The following ARHGAP24 variants were observed in gnomAD, a reference collection of about 807,000 sequenced individuals.
ARHGAP24 encodes the protein Rho GTPase activating protein 24.
Under a neutral mutation model 76.4 loss-of-function variants are expected in ARHGAP24, and 50 were observed. That is an observed-to-expected ratio of 0.65 (90% CI 0.52 to 0.83). The LOEUF is 0.83. Ranked by LOEUF, ARHGAP24 falls within the 40% of genes least tolerant of loss-of-function variation. The pLI, the probability that ARHGAP24 is intolerant of heterozygous loss-of-function variation, is 0.00. For synonymous variants in ARHGAP24, 345 were observed against 323.3 expected, an observed-to-expected ratio of 1.07 and a Z score of -0.72; for missense variants, 930 against 914.2, an observed-to-expected ratio of 1.02 and a Z score of -0.22.
At chr4:85,486,490 T>A (rs993805993) in intron 1 of ARHGAP24, among the ~76,000 whole-genome samples, 5 of 152,282 alleles carry the variant, frequency 3.3e-5, no homozygotes, top group African/African-American at 1.2e-4. Context: ...TCTGGGAAAT[T>A]GGAAATAAAG....
At chr4:85,931,618 G>C (rs62305514) in intron 4 of ARHGAP24, among the ~76,000 whole-genome samples, 11,246 of 152,138 alleles carry the variant, frequency 0.074, 510 homozygotes, top group South Asian at 0.18. Context: ...CACTGGGAGA[G>C]GGCAAAGATA....
chr4:85,942,326 G>T (rs1356281346), intron 5 of ARHGAP24, 53 bp downstream of exon 5: 2 of 1,587,620 alleles, frequency 1.3e-6, no homozygotes, highest in African/African-American at 2.7e-5. Flanking sequence ...AGACTCAACT[G>T]ACAGGATGCA....
At chr4:85,627,582 C>A (rs1721007248) in intron 2 of ARHGAP24, among the ~76,000 whole-genome samples, 1 of 152,158 alleles carries the variant, frequency 6.6e-6, no homozygotes, top group Non-Finnish European at 1.5e-5. Context: ...CTGGGAGAAC[C>A]ACTACTCTCT....
chr4:85,673,539 GT>G (rs1410551198), intron 2 of ARHGAP24, among the ~76,000 whole-genome samples: 1 of 151,552 alleles, frequency 6.6e-6, no homozygotes, highest in African/African-American at 2.4e-5. Flanking sequence ...TGTGCATGCA[GT>G]TTTCAAGATG....
chr4:85,811,196 C>T (rs2110113032), intron 3 of ARHGAP24, among the ~76,000 whole-genome samples: 1 of 152,298 alleles, frequency 6.6e-6, no homozygotes, highest in Admixed American at 6.5e-5. Flanking sequence ...AAAATGGCAG[C>T]ATTTGAAATT....
intron 3 of ARHGAP24, among the ~76,000 whole-genome samples, chr4:85,738,367 T>TTTA (rs58504018): frequency 0.2 from 29,291 of 143,766 alleles, 3,162 homozygotes; most frequent in African/African-American, 0.24. Context: ...CATTTGGGCT[T>TTTA]TTATTATTAT....
intron 2 of ARHGAP24, among the ~76,000 whole-genome samples, chr4:85,604,828 T>C (rs1339006940): frequency 6.6e-6 from 1 of 152,090 alleles, no homozygotes; most frequent in African/African-American, 2.4e-5. Flanking sequence ...TCTGCCCACA[T>C]TGGCCTCCCA....
At chr4:85,518,395 G>A (rs1724598805) in intron 1 of ARHGAP24, among the ~76,000 whole-genome samples, 1 of 151,596 alleles carries the variant, frequency 6.6e-6, no homozygotes, top group African/African-American at 2.4e-5. Context: ...AGTTATTTGG[G>A]GTACAGGTAG....
At chr4:85,661,697 G>A (rs1207614826) in intron 2 of ARHGAP24, among the ~76,000 whole-genome samples, 1 of 151,118 alleles carries the variant, frequency 6.6e-6, no homozygotes, top group Non-Finnish European at 1.5e-5. Context: ...TCCCCAGAGT[G>A]TGATGTTCCC....
At chr4:85,557,702 T>C (rs1218085923) in intron 1 of ARHGAP24, among the ~76,000 whole-genome samples, 1 of 152,202 alleles carries the variant, frequency 6.6e-6, no homozygotes, top group Non-Finnish European at 1.5e-5. Flanking sequence ...GCACACTGGC[T>C]GCTGCTAGTC....
At chr4:85,839,843 C>CTTTTTTTTTTTTTTTTTTTTTTTT (rs33974767) in intron 3 of ARHGAP24, among the ~76,000 whole-genome samples, 1 of 105,628 alleles carries the variant, frequency 9.5e-6, no homozygotes, top group Non-Finnish European at 1.8e-5. Context: ...TTTCTGTTTT[C>CTTTTTTTTTTTTTTTTTTTTTTTT]TTTTTTTTTT....
At chr4:85,705,057 A>G (rs1217754675) in intron 2 of ARHGAP24, among the ~76,000 whole-genome samples, 2 of 152,116 alleles carry the variant, frequency 1.3e-5, no homozygotes, top group Non-Finnish European at 2.9e-5. Flanking sequence ...AGTTCAGTTA[A>G]TGTGAGACCA....
At chr4:85,568,904 ATCT>A (rs1215979866) in intron 1 of ARHGAP24, among the ~76,000 whole-genome samples, 1 of 152,248 alleles carries the variant, frequency 6.6e-6, no homozygotes, top group Non-Finnish European at 1.5e-5. Context: ...AAGGAGGCAA[ATCT>A]TCTGCAAAGA....
intron 2 of ARHGAP24, among the ~76,000 whole-genome samples, chr4:85,619,690 TTCC>T (rs1720652237): frequency 6.6e-6 from 1 of 151,996 alleles, no homozygotes; most frequent in South Asian, 2.1e-4. Context: ...GTTAAATTTA[TTCC>T]TAAGAATTTT....
At chr4:85,521,622 C>T (rs1578005007) in intron 1 of ARHGAP24, among the ~76,000 whole-genome samples, 1 of 152,114 alleles carries the variant, frequency 6.6e-6, no homozygotes, top group African/African-American at 2.4e-5. Context: ...ACATTTCCCA[C>T]CTTTGAGTCA....
chr4:85,519,316 A>G (rs994944127), intron 1 of ARHGAP24, among the ~76,000 whole-genome samples: 4 of 152,080 alleles, frequency 2.6e-5, no homozygotes, highest in Non-Finnish European at 4.4e-5. Context: ...CATTTATTAT[A>G]CCACTATCTA....
chr4:85,979,948 C>A lies in ARHGAP24; in HGVS notation c.928+2257C>A, dbSNP rs568337832. Among the ~76,000 whole-genome samples, 9 of 152,320 alleles carry A rather than the reference C, an allele frequency of 5.9e-5. No individual in the cohort carries two copies. In the South Asian group the frequency reaches 1.9e-3, roughly 32 times the overall value. ...TTCACTGAATCTCAAATTTTCCCAT[C>A]TTTGGCCAGTGGAAGCATCTTCAAG... is the stretch of plus-strand genomic sequence containing the variant. On this transcript the variant is annotated intron_variant, in intron 8 of 9. Coordinates refer to ENST00000395184, the MANE Select transcript of ARHGAP24 (RefSeq NM_001025616.3).
chr4:85,555,259 A>G (rs922084004), intron 1 of ARHGAP24, among the ~76,000 whole-genome samples: 2 of 152,142 alleles, frequency 1.3e-5, no homozygotes, highest in East Asian at 1.9e-4. Context: ...GGGTGATTCA[A>G]TGCAGCTGCC....
intron 5 of ARHGAP24, among the ~76,000 whole-genome samples, chr4:85,970,184 C>G (rs1269671822): frequency 6.6e-6 from 1 of 152,102 alleles, no homozygotes; most frequent in Non-Finnish European, 1.5e-5. Flanking sequence ...TGGGCTCTGA[C>G]CTTCTTAGCC....
Sources: allele counts gnomAD v4.1 joint callset (sites outside exome capture counted in the v4.1 genomes callset), GRCh38; gene constraint gnomAD v4.1.1; transcripts MANE v1.5; gene names NCBI Gene and HGNC (gene_info 2026-07-23, HGNC 2026-07-21).